TESMIN: variants seen among roughly 807,000 people sequenced by gnomAD.
TESMIN encodes the protein CXC domain containing 2.
Under a neutral mutation model 47.4 loss-of-function variants are expected in TESMIN, and 34 were observed. The observed-to-expected ratio is 0.72, with a 90% CI of 0.55 to 0.96. TESMIN has a LOEUF of 0.96. Ranked by LOEUF, TESMIN falls within the 40% of genes least tolerant of loss-of-function variation. The pLI, the probability that TESMIN is intolerant of heterozygous loss-of-function variation, is 0.00. For synonymous variants in TESMIN, 278 were observed against 258.9 expected (o/e 1.07, Z -0.71); for missense variants, 610 against 637.2 (o/e 0.96, Z 0.46).
chr11:68,706,439 G>A (rs2153990383), downstream of TESMIN, among the ~76,000 whole-genome samples: 1 of 152,366 alleles, frequency 6.6e-6, no homozygotes, highest in South Asian at 2.1e-4. Context: ...CCCACACTGA[G>A]TTCCCTGCTC....
chr11:68,717,410 C>G (rs1946152935), intron 6 of TESMIN, among the ~76,000 whole-genome samples: 1 of 152,036 alleles, frequency 6.6e-6, no homozygotes, highest in Non-Finnish European at 1.5e-5. Context: ...GAAAGGCGAG[C>G]TCCCCAAGGA....
chr11:68,743,362 AG>A (rs796708594), intron 4 of TESMIN, among the ~76,000 whole-genome samples: 17 of 150,020 alleles, frequency 1.1e-4, no homozygotes, highest in African/African-American at 3.9e-4. Flanking sequence ...CTCTCACCTC[AG>A]CCCCCCAGTC....
intron 6 of TESMIN, among the ~76,000 whole-genome samples, chr11:68,726,365 C>T (rs747938082): frequency 2.6e-5 from 4 of 152,088 alleles, no homozygotes; most frequent in Non-Finnish European, 4.4e-5. Flanking sequence ...GTTGGAAGTG[C>T]CACCAAGCTC....
At chr11:68,736,472 G>A in intron 6 of TESMIN, 1 of 985,410 alleles carries the variant, frequency 1.0e-6, no homozygotes, top group East Asian at 1.1e-4. Context: ...CACACGGAAT[G>A]AAATAACCAG....
intron 6 of TESMIN, among the ~76,000 whole-genome samples, chr11:68,725,630 G>C (rs1339757824): frequency 9.1e-6 from 1 of 109,604 alleles, no homozygotes; most frequent in African/African-American, 2.8e-5. Flanking sequence ...GACCTAAAAT[G>C]ACAGTTTTTT....
chr11:68,750,728 C>T (rs1566330204), intron 1 of TESMIN, 29 bp from the exon 2 acceptor site: 6 of 1,151,688 alleles, frequency 5.2e-6, no homozygotes, highest in East Asian at 7.3e-5. Flanking sequence ...TGAGAGGCAG[C>T]CAGAGGAGAG....
intron 6 of TESMIN, among the ~76,000 whole-genome samples, chr11:68,726,112 G>A (rs868571453): frequency 2.6e-5 from 4 of 152,084 alleles, no homozygotes; most frequent in Admixed American, 1.3e-4. Context: ...GGTGCTTTAC[G>A]TATATTAACC....
At chr11:68,724,933 A>G (rs1192883175) in intron 6 of TESMIN, among the ~76,000 whole-genome samples, 1 of 152,216 alleles carries the variant, frequency 6.6e-6, no homozygotes, top group East Asian at 1.9e-4. Context: ...GAGGAATTCA[A>G]CAGTGCCCCA....
chr11:68,707,152 T>G (rs924349016), downstream of TESMIN, among the ~76,000 whole-genome samples: 58 of 152,364 alleles, frequency 3.8e-4, 1 homozygote, highest in African/African-American at 1.3e-3. Flanking sequence ...TCAGTCTTCC[T>G]TTTCTCCTCT....
chr11:68,725,062 T>C (rs1456130255), intron 6 of TESMIN, among the ~76,000 whole-genome samples: 3 of 152,144 alleles, frequency 2.0e-5, no homozygotes, highest in Non-Finnish European at 1.5e-5. Context: ...AAGATCATTG[T>C]TTAAATAGAA....
At chr11:68,740,642 A>G (rs1038428309) in intron 5 of TESMIN, among the ~76,000 whole-genome samples, 4 of 151,742 alleles carry the variant, frequency 2.6e-5, no homozygotes, top group Non-Finnish European at 4.4e-5. Context: ...CCCGACTTAC[A>G]CTCACCTCCT....
rs115077777 is a variant in TESMIN at position 68,739,245 on chromosome 11, C to A, written c.829-457G>T. 1.2e-3 allele frequency among the ~76,000 whole-genome samples: 187 copies of A among 152,238 alleles called. 1 individual carries two copies. The highest frequency in any genetic ancestry group is 4.3e-3 in the African/African-American group (177 of 41,548). ...ATGTATTCAAAAAAATATTTTGTAA[C>A]CAGTTTTAACAAATTCAAAAGCAAT... On this transcript the variant is annotated intron_variant, in intron 5 of 9. Coordinates refer to ENST00000255087, the MANE Select transcript of TESMIN (RefSeq NM_004923.3).
rs759365181 is a variant in TESMIN, at chr11:68,710,897, T to C, written c.1311A>G (p.Gly437=). ...SHYLPPTKFS[G]LPRFSHDRRP... is the part of the protein sequence containing the mutation. ...ACCTATCGTGACTGAATCTTGGAAG[T>C]CCTGAAAATTTCGTTGGTGGCAGGT... is the stretch of plus-strand genomic sequence containing the variant. The change falls in exon 9 of 10, where the codon GGA becomes GGG. Residue 437 remains glycine (G), a synonymous_variant. Transcript: ENST00000255087. 1 of 1,613,428 alleles carries C rather than the reference T, an allele frequency of 6.2e-7. No homozygotes were observed. The highest frequency in any genetic ancestry group is 1.1e-5 in the South Asian group (1 of 90,786).
intron 6 of TESMIN, among the ~76,000 whole-genome samples, chr11:68,719,669 T>C (rs1946182408): frequency 1.3e-5 from 2 of 152,232 alleles, no homozygotes; most frequent in Admixed American, 6.5e-5. Context: ...GTCATGAGCC[T>C]GGTACAATTA....
At chr11:68,726,634 G>A (rs900090952) in intron 6 of TESMIN, among the ~76,000 whole-genome samples, 3 of 152,136 alleles carry the variant, frequency 2.0e-5, no homozygotes, top group Non-Finnish European at 4.4e-5. Context: ...AAAAGTGTGA[G>A]TAAGCAACAA....
intron 4 of TESMIN, among the ~76,000 whole-genome samples, chr11:68,742,765 G>A (rs1034413252): frequency 3.9e-5 from 6 of 152,120 alleles, no homozygotes; most frequent in Non-Finnish European, 7.4e-5. Context: ...GCTATGTTGC[G>A]AGGCTGGCTT....
At chr11:68,743,639 A>G (rs1946485647) in intron 4 of TESMIN, among the ~76,000 whole-genome samples, 1 of 152,170 alleles carries the variant, frequency 6.6e-6, no homozygotes, top group Non-Finnish European at 1.5e-5. Context: ...TAAACTACTT[A>G]GTACTGGAAC....
intron 7 of TESMIN, 80 bp downstream of exon 7, chr11:68,715,757 A>C (rs1304009321): frequency 3.9e-6 from 4 of 1,015,558 alleles, no homozygotes; most frequent in African/African-American, 3.2e-5. Context: ...CCAATGAGGA[A>C]TCTCTGAAGG....
chr11:68,711,161 G>A lies in TESMIN; in HGVS notation c.1159-112C>T, dbSNP rs1055019225. The A allele has an allele frequency of 2.2e-5, 20 of 926,182 alleles. No homozygotes were observed. In the African/African-American group the frequency reaches 3.3e-4, roughly 15 times the overall value. The allele number at this position is 926,182 out of a possible 1,614,324, so 57.4% of individuals were successfully genotyped here. ...TTCGCGTATATTTGCCCATGACAGA[G>A]AGTGTGTGTGTGTCTGTGTGTGTTG... On this transcript the variant is annotated intron_variant, in intron 8 of 9. Coordinates refer to ENST00000255087, the MANE Select transcript of TESMIN (RefSeq NM_004923.3).
Sources: allele counts gnomAD v4.1 joint callset (sites outside exome capture counted in the v4.1 genomes callset), GRCh38; gene constraint gnomAD v4.1.1; transcripts MANE v1.5; gene names NCBI Gene and HGNC (gene_info 2026-07-23, HGNC 2026-07-21).